The following MEGF11 variants were observed in gnomAD, a reference collection of about 807,000 sequenced individuals.
MEGF11 encodes the protein multiple EGF like domains 11, also known as multiple epidermal growth factor-like domains protein 11.
A neutral mutation model predicts 146.6 loss-of-function variants in MEGF11; 126 were observed. That is an observed-to-expected ratio of 0.86 (90% CI 0.74 to 1.00). The LOEUF is 1.00. MEGF11 is among the 50% of genes least tolerant of loss of function. The pLI, the probability that MEGF11 is intolerant of heterozygous loss-of-function variation, is 0.00. For missense variants in MEGF11, 1,509 were observed against 1,521.2 expected (o/e 0.99, Z 0.13); for synonymous variants, 532 against 583.4 (o/e 0.91, Z 1.27).
chr15:66,214,419 C>T (rs972444918), intron 1 of MEGF11, among the ~76,000 whole-genome samples: 4 of 152,164 alleles, frequency 2.6e-5, no homozygotes, highest in African/African-American at 9.7e-5. Context: ...CAGTTCTGGT[C>T]CTCATGCTGC....
At chr15:66,118,726 C>G (rs16949520) in intron 4 of MEGF11, among the ~76,000 whole-genome samples, 24,574 of 152,128 alleles carry the variant, frequency 0.16, 2,316 homozygotes, top group East Asian at 0.32. Context: ...GCAAAGCTGT[C>G]TTGAGCACCT....
At chr15:65,944,683 G>C (rs1036950079) in intron 10 of MEGF11, among the ~76,000 whole-genome samples, 1 of 152,188 alleles carries the variant, frequency 6.6e-6, no homozygotes, top group Admixed American at 6.5e-5. Flanking sequence ...CTCTCTGGCT[G>C]AGAGTCTAGA....
chr15:65,976,714 A>G (rs377422), intron 7 of MEGF11, among the ~76,000 whole-genome samples: 146,660 of 152,318 alleles, frequency 0.96, 70,862 homozygotes, highest in East Asian at 1. Flanking sequence ...GTGGTCAGTT[A>G]AGTGTGTATC....
At chr15:65,907,606 G>GT (rs967557618) in intron 23 of MEGF11, among the ~76,000 whole-genome samples, 26 of 152,176 alleles carry the variant, frequency 1.7e-4, no homozygotes, top group African/African-American at 4.6e-4. Context: ...CAAATTTGCT[G>GT]TTTTTTCTGA....
chr15:66,199,809 CAA>C (rs1358169729), intron 1 of MEGF11, among the ~76,000 whole-genome samples: 1 of 151,382 alleles, frequency 6.6e-6, no homozygotes, highest in African/African-American at 2.4e-5. Flanking sequence ...AACAAACAAA[CAA>C]AAAAAGATAT....
intron 1 of MEGF11, among the ~76,000 whole-genome samples, chr15:66,237,217 T>TC (rs1246576415): frequency 3.9e-5 from 6 of 152,112 alleles, no homozygotes; most frequent in Non-Finnish European, 8.8e-5. Flanking sequence ...ATGAAGAAAC[T>TC]CCCAGATGGA....
intron 1 of MEGF11, among the ~76,000 whole-genome samples, chr15:66,203,266 C>G (rs534602482): frequency 6.6e-6 from 1 of 152,172 alleles, no homozygotes; most frequent in Non-Finnish European, 1.5e-5. Flanking sequence ...TCCGAGGGCC[C>G]GCCTCACATG....
intron 1 of MEGF11, among the ~76,000 whole-genome samples, chr15:66,218,840 T>C (rs1468671209): frequency 6.6e-6 from 1 of 151,992 alleles, no homozygotes; most frequent in African/African-American, 2.4e-5. Context: ...GTCCCTCAGC[T>C]TCCCTGGGTT....
intron 10 of MEGF11, among the ~76,000 whole-genome samples, chr15:65,956,637 G>A (rs967765070): frequency 3.9e-5 from 6 of 152,198 alleles, no homozygotes; most frequent in African/African-American, 1.4e-4. Flanking sequence ...CTGAGTGTTT[G>A]GCTCCTTGAG....
chr15:66,008,501 GC>G (rs1416225089), intron 5 of MEGF11, among the ~76,000 whole-genome samples: 1 of 151,986 alleles, frequency 6.6e-6, no homozygotes, highest in African/African-American at 2.4e-5. Flanking sequence ...GGATGCTTCT[GC>G]CCCTCAGGAG....
At chr15:66,190,807 T>C (rs985282382) in intron 1 of MEGF11, among the ~76,000 whole-genome samples, 1 of 152,152 alleles carries the variant, frequency 6.6e-6, no homozygotes, top group Non-Finnish European at 1.5e-5. Context: ...TTCAATTTCC[T>C]TTTTATTAGT....
At chr15:66,079,538 C>T (rs55836767) in intron 5 of MEGF11, among the ~76,000 whole-genome samples, 155 of 13,014 alleles carry the variant, frequency 0.012, 2 homozygotes, top group South Asian at 0.057. Context: ...TTCATTCACA[C>T]CCCCCCCCCC....
intron 10 of MEGF11, among the ~76,000 whole-genome samples, chr15:65,955,388 G>A (rs2080546938): frequency 6.9e-6 from 1 of 144,326 alleles, no homozygotes; most frequent in Non-Finnish European, 1.5e-5. Flanking sequence ...GAAGAAGGGG[G>A]ATTGTAACTG....
intron 1 of MEGF11, among the ~76,000 whole-genome samples, chr15:66,135,766 G>C (rs1426510913): frequency 1.3e-5 from 2 of 152,182 alleles, no homozygotes; most frequent in African/African-American, 4.8e-5. Context: ...TAGGGGCTCA[G>C]AGAGCCATAC....
chr15:66,156,163 G>A (rs752673456), intron 1 of MEGF11, among the ~76,000 whole-genome samples: 6 of 152,104 alleles, frequency 3.9e-5, no homozygotes, highest in South Asian at 2.1e-4. Flanking sequence ...AGAGGCCCCC[G>A]AACCAACTTC....
chr15:65,976,832 CA>C (rs2081463536), intron 7 of MEGF11, among the ~76,000 whole-genome samples: 2 of 152,092 alleles, frequency 1.3e-5, no homozygotes, highest in African/African-American at 2.4e-5. Flanking sequence ...ATGGCTTTGT[CA>C]AAATCTGGAC....
At chr15:66,191,887 AAC>A (rs2090891332) in intron 1 of MEGF11, among the ~76,000 whole-genome samples, 1 of 151,588 alleles carries the variant, frequency 6.6e-6, no homozygotes, top group Non-Finnish European at 1.5e-5. Context: ...CATCCTGGCC[AAC>A]ATGGTGAAAC....
At chr15:66,019,697 G>A (rs548282380) in intron 5 of MEGF11, among the ~76,000 whole-genome samples, 2 of 152,340 alleles carry the variant, frequency 1.3e-5, no homozygotes, top group South Asian at 4.1e-4. Context: ...TGCTTGCTGG[G>A]TGACCTCGGG....
chr15:65,905,804 C>T (rs542132815), intron 24 of MEGF11: 42 of 328,122 alleles, frequency 1.3e-4, no homozygotes, highest in African/African-American at 7.2e-4. Flanking sequence ...TGGATAATGA[C>T]GCTTTACATT....
Sources: allele counts gnomAD v4.1 joint callset (sites outside exome capture counted in the v4.1 genomes callset), GRCh38; gene constraint gnomAD v4.1.1; transcripts MANE v1.5; gene names NCBI Gene and HGNC (gene_info 2026-07-23, HGNC 2026-07-21).